Variants in TTC23L observed in about 807,000 individuals in gnomAD.
The protein encoded by TTC23L is tetratricopeptide repeat domain 23 like.
Under a neutral mutation model 48.1 loss-of-function variants are expected in TTC23L, and 42 were observed. The ratio of observed to expected loss-of-function variants is 0.87; its 90% CI spans 0.68 to 1.13. The LOEUF is 1.13. TTC23L is among the 50% of genes most tolerant of loss of function. The probability of loss-of-function intolerance (pLI) is 0.00; values close to 1 mark genes in which losing one functional copy is unlikely to be tolerated. For synonymous variants in TTC23L, 159 were observed against 157.2 expected (o/e 1.01, Z -0.09); for missense variants, 391 against 421.0 (o/e 0.93, Z 0.62).
intron 9 of TTC23L, among the ~76,000 whole-genome samples, chr5:34,891,109 G>T (rs917447324): frequency 2.0e-5 from 3 of 151,914 alleles, no homozygotes; most frequent in Non-Finnish European, 4.4e-5. Context: ...CCCAATGAAT[G>T]TTGAGATCTT....
chr5:34,913,387 A>C, the TTC23L span: 1 of 728,590 alleles, frequency 1.4e-6, no homozygotes, highest in Non-Finnish European at 2.1e-6. Context: ...TTCTGAACCA[A>C]TGTTTATGTT....
the TTC23L span, chr5:34,922,276 T>A: frequency 1.9e-6 from 3 of 1,568,500 alleles, no homozygotes; most frequent in Non-Finnish European, 2.6e-6. Flanking sequence ...AAAAACAGGA[T>A]CTCTATATGT....
intron 4 of TTC23L, among the ~76,000 whole-genome samples, chr5:34,852,054 A>G (rs1347660712): frequency 6.6e-6 from 1 of 152,000 alleles, no homozygotes; most frequent in Non-Finnish European, 1.5e-5. Flanking sequence ...TACTTTTTAT[A>G]TTTTTATTTT....
At chr5:34,902,216 G>A (rs368633196), downstream of TTC23L, among the ~76,000 whole-genome samples, 29 of 152,058 alleles carry the variant, frequency 1.9e-4, no homozygotes, top group East Asian at 1.9e-4. Context: ...CTGAGGTCAC[G>A]AGTTCCAAGA....
the TTC23L span, among the ~76,000 whole-genome samples, chr5:34,917,151 C>A: frequency 6.6e-5 from 10 of 151,896 alleles, no homozygotes; most frequent in African/African-American, 1.7e-4. Flanking sequence ...GAAAAAAAAA[C>A]CGATGAAAGA....
In TTC23L at chr5:34,894,636, G is replaced by A. The variant is rs1377201961; in HGVS notation, c.1078-2134G>A. ...GGTATATGTGTCAAATATTAAGAGA[G>A]TGCCATGTAGTGGTAAGGAATGGAC... On this transcript the variant is annotated intron_variant, in intron 9 of 10. Coordinates refer to ENST00000505624, the Ensembl canonical transcript of TTC23L. Among the ~76,000 whole-genome samples the A allele has an allele frequency of 2.6e-5, 4 of 152,162 alleles. 1 individual carries two copies. Among genetic ancestry groups the A allele is most frequent in the Non-Finnish European group, 4.4e-5 (3 of 68,034 alleles).
intron 8 of TTC23L, among the ~76,000 whole-genome samples, chr5:34,876,691 A>G (rs1362070811): frequency 6.6e-6 from 1 of 152,236 alleles, no homozygotes; most frequent in African/African-American, 2.4e-5. Flanking sequence ...CTTCCAAAAG[A>G]TAGAAGCAGA....
intron 2 of TTC23L, 58 bp downstream of exon 2, chr5:34,840,797 T>A: frequency 6.5e-7 from 1 of 1,544,418 alleles, no homozygotes; most frequent in Non-Finnish European, 9.0e-7. Context: ...CACTGGGACC[T>A]CCTGCTTAAG....
At chr5:34,849,150 C>G (rs1759460134) in intron 3 of TTC23L, among the ~76,000 whole-genome samples, 1 of 151,934 alleles carries the variant, frequency 6.6e-6, no homozygotes, top group African/African-American at 2.4e-5. Flanking sequence ...CAGAATTATT[C>G]CAGCTAATGT....
chr5:34,884,776 A>T (rs1408093286), intron 9 of TTC23L, among the ~76,000 whole-genome samples: 1 of 152,218 alleles, frequency 6.6e-6, no homozygotes, highest in East Asian at 1.9e-4. Context: ...ATAACAAATT[A>T]TATGCATGCT....
the TTC23L span, chr5:34,925,559 A>G: frequency 1.4e-6 from 2 of 1,397,830 alleles, no homozygotes; most frequent in South Asian, 1.4e-5. Context: ...ATGTGTAAAT[A>G]CTTTTATTAT....
intron 10 of TTC23L, among the ~76,000 whole-genome samples, chr5:34,897,559 G>A (rs1374058587): frequency 1.3e-5 from 2 of 152,154 alleles, no homozygotes; most frequent in African/African-American, 2.4e-5. Context: ...CTTGGCTCAA[G>A]TGATCCTCCC....
intron 4 of TTC23L, among the ~76,000 whole-genome samples, chr5:34,855,762 A>G (rs1272163286): frequency 1.3e-5 from 2 of 152,200 alleles, no homozygotes; most frequent in East Asian, 3.9e-4. Context: ...ACAATGCAGT[A>G]TGGTGTTTAT....
intron 2 of TTC23L, among the ~76,000 whole-genome samples, chr5:34,842,585 T>C (rs915296520): frequency 1.3e-5 from 2 of 151,860 alleles, no homozygotes; most frequent in Non-Finnish European, 2.9e-5. Context: ...AAAGAGATGG[T>C]GAGAAGGGGG....
At chr5:34,917,815 C>T in the TTC23L span, among the ~76,000 whole-genome samples, 1 of 152,004 alleles carries the variant, frequency 6.6e-6, no homozygotes, top group Non-Finnish European at 1.5e-5. Flanking sequence ...TATGAGACAT[C>T]TGTCATGGAG....
intron 8 of TTC23L, among the ~76,000 whole-genome samples, chr5:34,870,165 A>G (rs995296592): frequency 1.3e-5 from 2 of 151,872 alleles, no homozygotes; most frequent in African/African-American, 2.4e-5. Context: ...AGATTTTTAT[A>G]TTATATCATT....
At chr5:34,880,408 C>T (rs1762145279) in intron 9 of TTC23L, 100 bp downstream of exon 9, 1 of 1,230,958 alleles carries the variant, frequency 8.1e-7, no homozygotes, top group Non-Finnish European at 1.1e-6. Flanking sequence ...CAGATAGGTC[C>T]CAGATAAAAC....
chr5:34,867,057 G>A, exon 7 of TTC23L: 1 of 1,610,612 alleles, frequency 6.2e-7, no homozygotes, highest in Non-Finnish European at 8.5e-7. Context: ...AGGCCATCCA[G>A]TACTTGCAGC....
At chr5:34,914,692 T>A in the TTC23L span, 1 of 1,614,184 alleles carries the variant, frequency 6.2e-7, no homozygotes, top group Non-Finnish European at 8.5e-7. Context: ...CCTACTTCCA[T>A]ACCTGAATAA....
Sources: allele counts gnomAD v4.1 joint callset (sites outside exome capture counted in the v4.1 genomes callset), GRCh38; gene constraint gnomAD v4.1.1; transcripts MANE v1.5; gene names NCBI Gene and HGNC (gene_info 2026-07-23, HGNC 2026-07-21).